GTSF1: variants seen among roughly 807,000 people sequenced by gnomAD.
GTSF1 encodes gametocyte specific factor 1.
A neutral mutation model predicts 28.9 loss-of-function variants in GTSF1; 11 were observed. That is an observed-to-expected ratio of 0.38 (90% confidence interval 0.24 to 0.63). GTSF1 has a LOEUF of 0.63. Ranked by LOEUF, GTSF1 falls within the 30% of genes least tolerant of loss-of-function variation. The probability of loss-of-function intolerance (pLI) is 0.56; values close to 1 mark genes in which losing one functional copy is unlikely to be tolerated. For missense variants in GTSF1, 146 were observed against 201.0 expected, an observed-to-expected ratio of 0.73 and a Z score of 1.66; for synonymous variants, 69 against 65.6, an observed-to-expected ratio of 1.05 and a Z score of -0.25.
chr12:54,459,187 A>AT, intron 7 of GTSF1, 62 bp from the exon 8 acceptor site: 1 of 1,526,474 alleles, frequency 6.6e-7, no homozygotes, highest in Non-Finnish European at 9.0e-7. Context: ...TCCATCCCCT[A>AT]TTCTTACTAA....
In GTSF1 at chr12:54,465,182, T is replaced by G. The variant is rs749419533; in HGVS notation, c.17-15A>C. 2 of 1,588,376 alleles carry G rather than the reference T, an allele frequency of 1.3e-6. No individual in the cohort carries two copies. The highest frequency in any genetic ancestry group is 2.2e-5 in the South Asian group (2 of 90,536). On this transcript the variant is annotated splice_polypyrimidine_tract_variant and intron_variant, in intron 2 of 8. Coordinates refer to ENST00000305879, the MANE Select transcript of GTSF1 (RefSeq NM_144594.3). Reference sequence around the variant, plus strand: ...CAGGGAGTCGGCTGAAAGACAGAAGTGTTTCAGTAGGTAAAACGATAATAG... The same window carrying G: ...CAGGGAGTCGGCTGAAAGACAGAAGGGTTTCAGTAGGTAAAACGATAATAG...
intron 2 of GTSF1, among the ~76,000 whole-genome samples, chr12:54,465,786 T>C (rs1021297387): frequency 6.6e-6 from 1 of 152,208 alleles, no homozygotes; most frequent in South Asian, 2.1e-4. Flanking sequence ...ATATGTTTTA[T>C]GGAAGCTTGA....
chr12:54,469,389 T>C (rs1280494711), intron 2 of GTSF1, among the ~76,000 whole-genome samples: 2 of 151,940 alleles, frequency 1.3e-5, no homozygotes, highest in Non-Finnish European at 2.9e-5. Context: ...CTTTTTTCTT[T>C]TTAAGAGACA....
In GTSF1 at chr12:54,463,172, A is replaced by G. The variant is rs754600897; in HGVS notation, c.243T>C (p.Val81=). The change falls in exon 4 of 9, where the codon GTT becomes GTC. Residue 81 remains valine (V), a splice_region_variant and synonymous_variant. Transcript: ENST00000305879. ...CDDRSCIEQD[V]VNQTRSLRQE... ...AATATTTTAGATACTAAGTCTTACCAACATCTTGCTCAATACAACTTCTGT... is the reference window on the plus strand; with the variant it reads ...AATATTTTAGATACTAAGTCTTACCGACATCTTGCTCAATACAACTTCTGT... The G allele has an allele frequency of 1.9e-5, 31 of 1,613,390 alleles. No individual in the cohort carries two copies. Among genetic ancestry groups the G allele is most frequent in the Non-Finnish European group, 2.4e-5 (28 of 1,179,652 alleles).
At chr12:54,469,341 T>C (rs920013747) in intron 2 of GTSF1, among the ~76,000 whole-genome samples, 2 of 152,122 alleles carry the variant, frequency 1.3e-5, no homozygotes, top group Non-Finnish European at 2.9e-5. Flanking sequence ...CCTCCCAAAG[T>C]GTTGGGATTA....
At chr12:54,463,006 T>C (rs556173497) in intron 4 of GTSF1, among the ~76,000 whole-genome samples, 165 bp downstream of exon 4, 1 of 152,214 alleles carries the variant, frequency 6.6e-6, no homozygotes, top group South Asian at 2.1e-4. Flanking sequence ...CAGTATGACA[T>C]GTACAATCTG....
intron 2 of GTSF1, among the ~76,000 whole-genome samples, chr12:54,468,354 C>T (rs1406467013): frequency 6.6e-6 from 1 of 152,110 alleles, no homozygotes; most frequent in African/African-American, 2.4e-5. Flanking sequence ...CTCCTAGCCT[C>T]CTGTGATCTG....
chr12:54,468,118 G>C (rs1010436280), intron 2 of GTSF1, among the ~76,000 whole-genome samples: 1 of 151,876 alleles, frequency 6.6e-6, no homozygotes, highest in Non-Finnish European at 1.5e-5. Flanking sequence ...TCTTCTTTTT[G>C]CATGTATGAG....
intron 7 of GTSF1, chr12:54,459,377 C>T (rs896920977): frequency 1.1e-4 from 157 of 1,401,734 alleles, no homozygotes; most frequent in Non-Finnish European, 1.3e-4. Context: ...CAGGGAGAAA[C>T]GTTTTAAAGT....
At chr12:54,462,749 A>G (rs1956445172) in intron 4 of GTSF1, 24 bp from the exon 5 acceptor site, 5 of 1,590,282 alleles carry the variant, frequency 3.1e-6, no homozygotes, top group African/African-American at 1.3e-5. Context: ...AAGATTGGAT[A>G]TAAGAGGGGG....
At chr12:54,467,286 T>C (rs989087396) in intron 2 of GTSF1, among the ~76,000 whole-genome samples, 4 of 152,014 alleles carry the variant, frequency 2.6e-5, no homozygotes, top group African/African-American at 9.7e-5. Flanking sequence ...TGTTATAACA[T>C]GTGACAGAAT....
chr12:54,471,114 T>C (rs745553685), intron 2 of GTSF1, 119 bp downstream of exon 2: 30 of 655,956 alleles, frequency 4.6e-5, no homozygotes, highest in Non-Finnish European at 6.0e-5. Flanking sequence ...CCATAAAGAC[T>C]TTTCCTCCTT....
chr12:54,458,407 C>T (rs1592314232), intron 8 of GTSF1, among the ~76,000 whole-genome samples: 1 of 152,320 alleles, frequency 6.6e-6, no homozygotes, highest in Non-Finnish European at 1.5e-5. Flanking sequence ...TAATCTTACT[C>T]TGTGGCCCAG....
chr12:54,472,943 T>C (rs1415799894), intron 1 of GTSF1, among the ~76,000 whole-genome samples: 1 of 152,194 alleles, frequency 6.6e-6, no homozygotes, highest in Admixed American at 6.6e-5. Context: ...GAACCAAGTA[T>C]GTTTCTTGAT....
At chr12:54,456,724 T>A (rs1175833286) in intron 8 of GTSF1, among the ~76,000 whole-genome samples, 1 of 152,220 alleles carries the variant, frequency 6.6e-6, no homozygotes, top group Non-Finnish European at 1.5e-5. Flanking sequence ...AAGGGCATAG[T>A]CATATCTTTT....
intron 2 of GTSF1, among the ~76,000 whole-genome samples, chr12:54,468,169 C>T (rs1565661352): frequency 6.6e-6 from 1 of 151,932 alleles, no homozygotes; most frequent in Non-Finnish European, 1.5e-5. Context: ...GCTCTGTTGC[C>T]CAGGCTGGAC....
intron 7 of GTSF1, among the ~76,000 whole-genome samples, chr12:54,460,132 C>A (rs560347939): frequency 3.3e-5 from 5 of 152,264 alleles, no homozygotes; most frequent in African/African-American, 9.6e-5. Context: ...TCAGTGGTCA[C>A]CCCATTTTGA....
intron 1 of GTSF1, chr12:54,472,555 C>G (rs1443497257): frequency 6.6e-6 from 1 of 152,188 alleles, no homozygotes; most frequent in Non-Finnish European, 1.5e-5. Context: ...AGCACTGAGA[C>G]TAAATACATT....
chr12:54,473,096 T>A (rs1956610475), intron 1 of GTSF1, among the ~76,000 whole-genome samples: 1 of 152,116 alleles, frequency 6.6e-6, no homozygotes. Context: ...ATCTTCCGCA[T>A]CAAACTGTTA....
Sources: allele counts gnomAD v4.1 joint callset (sites outside exome capture counted in the v4.1 genomes callset), GRCh38; gene constraint gnomAD v4.1.1; transcripts MANE v1.5; gene names NCBI Gene and HGNC (gene_info 2026-07-23, HGNC 2026-07-21).